The following CPED1 variants were observed in gnomAD, a reference collection of about 807,000 sequenced individuals.
The protein encoded by CPED1 is cadherin-like and PC-esterase domain-containing protein 1.
In CPED1, 114 loss-of-function variants were observed where a neutral mutation model predicts 128.2. The observed-to-expected ratio is 0.89, with a 90% CI of 0.76 to 1.04. The LOEUF (loss-of-function observed/expected upper bound fraction) is 1.04, where lower values mean the gene tolerates loss of function less well. CPED1 is among the 50% of genes least tolerant of loss of function. CPED1 has a pLI of 0.00. For missense variants in CPED1, 1,211 were observed against 1,207.1 expected (o/e 1.00, Z -0.05); for synonymous variants, 462 against 426.7 (o/e 1.08, Z -1.02).
chr7:121,253,366 G>A (rs2116713803), intron 18 of CPED1, among the ~76,000 whole-genome samples: 1 of 151,608 alleles, frequency 6.6e-6, no homozygotes, highest in East Asian at 1.9e-4. Flanking sequence ...AATTCTAAAT[G>A]ACGAGTTAAT....
At chr7:121,262,526 C>A (rs1165590650) in intron 18 of CPED1, among the ~76,000 whole-genome samples, 1 of 152,012 alleles carries the variant, frequency 6.6e-6, no homozygotes, top group Non-Finnish European at 1.5e-5. Flanking sequence ...CTAAACATGT[C>A]TTTGTGTTTA....
intron 7 of CPED1, among the ~76,000 whole-genome samples, chr7:121,120,691 C>T (rs1795362301): frequency 6.6e-6 from 1 of 152,046 alleles, no homozygotes; most frequent in Non-Finnish European, 1.5e-5. Flanking sequence ...CTCTAAAATT[C>T]TCTCAAACAG....
At chr7:121,061,840 A>G (rs1292729851) in intron 4 of CPED1, among the ~76,000 whole-genome samples, 2 of 152,246 alleles carry the variant, frequency 1.3e-5, no homozygotes, top group Admixed American at 1.3e-4. Context: ...TCTGTGTAAT[A>G]TAGTTGAGTT....
intron 17 of CPED1, among the ~76,000 whole-genome samples, chr7:121,239,370 T>G (rs1178244764): frequency 6.6e-6 from 1 of 152,152 alleles, no homozygotes; most frequent in Non-Finnish European, 1.5e-5. Flanking sequence ...GATTTCTATT[T>G]TTTAGGAAAT....
chr7:121,141,096 A>G (rs1255856189), intron 15 of CPED1, 83 bp downstream of exon 15: 5 of 1,097,206 alleles, frequency 4.6e-6, no homozygotes, highest in African/African-American at 3.3e-5. Context: ...TGGTTCAGAA[A>G]AGCTGATTCA....
chr7:121,139,532 A>G (rs1226568356), intron 14 of CPED1, among the ~76,000 whole-genome samples: 1 of 152,002 alleles, frequency 6.6e-6, no homozygotes, highest in Non-Finnish European at 1.5e-5. Flanking sequence ...CACGTCCATC[A>G]AAGAAAAATA....
At chr7:121,092,394 G>T (rs1214434379) in intron 5 of CPED1, among the ~76,000 whole-genome samples, 1 of 152,126 alleles carries the variant, frequency 6.6e-6, no homozygotes, top group East Asian at 1.9e-4. Context: ...AGAAGAAGTG[G>T]AGTTCACTTA....
Position 121,097,850 on chromosome 7 carries a change from A to G in CPED1, c.749+19A>G. The stretch of plus-strand genomic sequence containing the variant: ...AACAGCTGTAAGCTAATCATTTTGA[A>G]TTGTTATAACCAGCATGCATTGTAG... On this transcript the variant is annotated intron_variant, in intron 6 of 22. Coordinates refer to ENST00000310396, the MANE Select transcript of CPED1 (RefSeq NM_024913.5). 1.9e-6 allele frequency: 3 copies of G among 1,613,200 alleles called. No homozygotes were observed. The highest frequency in any genetic ancestry group is 2.5e-6 in the Non-Finnish European group (3 of 1,179,382).
rs1284539572 is a variant in CPED1 at position 120,988,839 on chromosome 7, G to A, written c.-305G>A. ...GTCATACGACTGGGTGTTTCCTTCC[G>A]AGTGGTTTTCATCAGCAATCCATTA... On this transcript the variant is annotated 5_prime_UTR_variant, in exon 1 of 23. Coordinates refer to ENST00000310396, the MANE Select transcript of CPED1 (RefSeq NM_024913.5). 6.6e-6 allele frequency: 1 copy of A among 152,254 alleles called. No homozygotes were observed. Among genetic ancestry groups the A allele is most frequent in the African/African-American group, 2.4e-5 (1 of 41,422 alleles). The allele number at this position is 152,254 out of a possible 1,614,324, so 9.4% of individuals were successfully genotyped here.
intron 12 of CPED1, among the ~76,000 whole-genome samples, chr7:121,130,827 A>G (rs1390871033): frequency 6.6e-6 from 1 of 152,080 alleles, no homozygotes; most frequent in African/African-American, 2.4e-5. Context: ...GTAGAATCTC[A>G]GAGGAAAATA....
At chr7:121,034,971 G>A (rs1792848273) in intron 3 of CPED1, among the ~76,000 whole-genome samples, 1 of 152,192 alleles carries the variant, frequency 6.6e-6, no homozygotes, top group Non-Finnish European at 1.5e-5. Context: ...GATCTAGGAA[G>A]GTGTCACAAG....
chr7:121,289,730 G>A (rs1792652896), intron 22 of CPED1, among the ~76,000 whole-genome samples: 1 of 152,090 alleles, frequency 6.6e-6, no homozygotes, highest in South Asian at 2.1e-4. Context: ...TAGTTTATAT[G>A]TCCAAATAGT....
chr7:120,989,730 G>A lies in CPED1; in HGVS notation c.109G>A (p.Gly37Arg), dbSNP rs139400449. Residue 37 changes from glycine (G) to arginine (R), a missense_variant, in exon 2 of 23, where the codon GGG becomes AGG. Physicochemically the swap from Gly to Arg is moderately radical, Grantham distance 125. Coordinates refer to ENST00000310396, the MANE Select transcript of CPED1 (RefSeq NM_024913.5). ...CLFYQTLTLR[G>R]SRKLTAAAPG... is the part of the protein sequence containing the mutation. ...CTTCTACCAGACTCTGACCCTCCGAGGGTCGAGGAAGCTCACAGCCGCTGC... is the reference window on the plus strand; with the variant it reads ...CTTCTACCAGACTCTGACCCTCCGAAGGTCGAGGAAGCTCACAGCCGCTGC... 5.6e-6 allele frequency: 9 copies of A among 1,613,750 alleles called. No homozygotes were observed. In the African/African-American group the frequency reaches 9.4e-5, roughly 17 times the overall value.
chr7:121,095,130 CA>C (rs1377571464), intron 5 of CPED1, among the ~76,000 whole-genome samples: 1 of 152,070 alleles, frequency 6.6e-6, no homozygotes, highest in African/African-American at 2.4e-5. Context: ...CCTCATCACC[CA>C]AATCCCTTCC....
intron 5 of CPED1, chr7:121,083,722 C>T (rs903568147): frequency 2.6e-5 from 4 of 152,250 alleles, no homozygotes; most frequent in Admixed American, 6.5e-5. Context: ...CTTTGTGCTT[C>T]GCTTTTCTTC....
Position 121,128,437 on chromosome 7 carries a change from C to G in CPED1, c.1358C>G (p.Ser453Ter), listed in dbSNP as rs1282159328. 6 of 1,604,306 alleles carry G rather than the reference C, an allele frequency of 3.7e-6. No individual in the cohort carries two copies. Among genetic ancestry groups the G allele is most frequent in the Non-Finnish European group, 3.4e-6 (4 of 1,171,526 alleles). ...NQCLSLEEIN[S>*]IMTFIKELGS... is the part of the protein sequence containing the mutation. ...TGTCTGTCCTTAGAAGAAATTAACT[C>G]AATTATGACTTTCATAAAGGAACTT... The change falls in exon 11 of 23, where the codon TCA becomes TGA. Residue 453 changes from serine to a stop codon, truncating the protein, a stop_gained. Coordinates refer to ENST00000310396, the MANE Select transcript of CPED1 (RefSeq NM_024913.5). LOFTEE classifies it high-confidence loss of function.
At chr7:121,273,468 G>A (rs1489424576) in intron 22 of CPED1, among the ~76,000 whole-genome samples, 1 of 151,780 alleles carries the variant, frequency 6.6e-6, no homozygotes, top group Non-Finnish European at 1.5e-5. Context: ...GTTGCAATGA[G>A]CTGAGATCAC....
intron 7 of CPED1, among the ~76,000 whole-genome samples, chr7:121,105,633 A>T (rs1276644088): frequency 1.3e-5 from 2 of 152,130 alleles, no homozygotes; most frequent in Non-Finnish European, 2.9e-5. Flanking sequence ...TTAAAGTATG[A>T]TTTTATATAA....
At chr7:121,129,753 G>A (rs770986392) in intron 11 of CPED1, among the ~76,000 whole-genome samples, 63 of 151,948 alleles carry the variant, frequency 4.1e-4, no homozygotes, top group Non-Finnish European at 7.1e-4. Flanking sequence ...GGAAAGAGGG[G>A]AAGATTAATA....
Sources: gnomAD v4.1 joint callset for allele counts (sites outside exome capture counted in the v4.1 genomes callset) on GRCh38, gnomAD v4.1.1 for gene constraint, MANE v1.5 for transcripts, NCBI Gene and HGNC (gene_info 2026-07-23, HGNC 2026-07-21) for gene names.